The following BCAS1 variants were observed in gnomAD, a reference collection of about 807,000 sequenced individuals.
The protein encoded by BCAS1 is brain enriched myelin associated protein 1, also known as breast carcinoma-amplified sequence 1.
Under a neutral mutation model 65.4 loss-of-function variants are expected in BCAS1, and 46 were observed. The ratio of observed to expected loss-of-function variants is 0.70; its 90% CI spans 0.55 to 0.90. The LOEUF (loss-of-function observed/expected upper bound fraction) is 0.90. Among genes scored for constraint, BCAS1 ranks in the 40% least tolerant of loss-of-function variants. The pLI is 0.00. For synonymous variants in BCAS1, 298 were observed against 293.5 expected, an observed-to-expected ratio of 1.02 and a Z score of -0.16; for missense variants, 793 against 771.2, an observed-to-expected ratio of 1.03 and a Z score of -0.33.
At position 53,979,849 on chromosome 20, in the gene BCAS1, A is replaced by G. The variant is rs2090432761; in HGVS notation, c.1276-4419T>C. On this transcript the variant is annotated intron_variant, in intron 8 of 12. Transcript: ENST00000688948. ...TGCACATGGTATATTTTCAATTAGC[A>G]ACAGCAATTTTTATAAATGTTGGGA... Among the ~76,000 whole-genome samples the G allele has an allele frequency of 2.6e-5, 4 of 152,360 alleles. No homozygotes were observed. In the South Asian group the frequency reaches 8.3e-4, roughly 32 times the overall value.
chr20:54,004,210 C>A (rs868816531), intron 4 of BCAS1, among the ~76,000 whole-genome samples: 1 of 152,284 alleles, frequency 6.6e-6, no homozygotes, highest in South Asian at 2.1e-4. Flanking sequence ...CCCCAGCGAG[C>A]GTTCTAGTCC....
intron 4 of BCAS1, among the ~76,000 whole-genome samples, chr20:53,997,486 G>A (rs1329879145): frequency 1.3e-5 from 2 of 152,066 alleles, no homozygotes; most frequent in Non-Finnish European, 2.9e-5. Context: ...CCTTATTGAT[G>A]GACATTCACA....
intron 12 of BCAS1, among the ~76,000 whole-genome samples, chr20:53,951,778 C>T (rs1380265653): frequency 6.6e-6 from 1 of 152,244 alleles, no homozygotes; most frequent in Non-Finnish European, 1.5e-5. Context: ...TCTTGCTTTA[C>T]ATCAACATCT....
chr20:54,051,321 G>A (rs145534349), intron 3 of BCAS1, among the ~76,000 whole-genome samples: 3 of 152,284 alleles, frequency 2.0e-5, no homozygotes, highest in Middle Eastern at 3.4e-3. Context: ...ATCTCTGTAC[G>A]CAACAGGAGG....
At chr20:54,035,217 G>A (rs1303329168) in intron 3 of BCAS1, among the ~76,000 whole-genome samples, 1 of 150,616 alleles carries the variant, frequency 6.6e-6, no homozygotes, top group Non-Finnish European at 1.5e-5. Flanking sequence ...TCGAGAACAC[G>A]GTGAAACCCC....
chr20:53,953,120 G>C (rs2089580843), intron 12 of BCAS1, among the ~76,000 whole-genome samples: 1 of 152,132 alleles, frequency 6.6e-6, no homozygotes, highest in Non-Finnish European at 1.5e-5. Context: ...TTGCTCCCTA[G>C]GTCTCAGGCA....
At chr20:53,960,513 C>T (rs1390812138) in intron 10 of BCAS1, among the ~76,000 whole-genome samples, 4 of 135,106 alleles carry the variant, frequency 3.0e-5, no homozygotes, top group Non-Finnish European at 6.3e-5. Context: ...GAGAGTATCT[C>T]AAACTTTTCA....
At position 54,041,086 on chromosome 20, in the gene BCAS1, A is replaced by C. The variant is rs137900927; in HGVS notation, c.143-12114T>G. The stretch of plus-strand genomic sequence containing the variant: ...GAAAGACGCCAGACACAAAAAGCAA[A>C]ATATTGTATGATTCCATTTATATAA... On this transcript the variant is annotated intron_variant, in intron 3 of 12. Transcript: ENST00000688948. Among the ~76,000 whole-genome samples the C allele has an allele frequency of 6.5e-4, 98 of 151,548 alleles. 3 individuals are homozygous for C. Among genetic ancestry groups the C allele is most frequent in the African/African-American group, 2.3e-3 (95 of 41,480 alleles).
chr20:53,997,644 A>C (rs1175512049), intron 4 of BCAS1, among the ~76,000 whole-genome samples: 1 of 152,212 alleles, frequency 6.6e-6, no homozygotes, highest in East Asian at 1.9e-4. Flanking sequence ...CAAATTATAT[A>C]AACTTGATGA....
At chr20:53,976,238 A>G (rs916022852) in intron 8 of BCAS1, among the ~76,000 whole-genome samples, 1 of 152,246 alleles carries the variant, frequency 6.6e-6, no homozygotes, top group Middle Eastern at 3.4e-3. Flanking sequence ...AAACTTCTGG[A>G]TGGATGGTGG....
chr20:53,956,513 C>T (rs547023754), intron 11 of BCAS1, among the ~76,000 whole-genome samples: 2 of 152,310 alleles, frequency 1.3e-5, no homozygotes, highest in Non-Finnish European at 2.9e-5. Flanking sequence ...TGTATTGAGC[C>T]CTCTATACCA....
At chr20:54,057,002 G>A (rs550311695) in intron 3 of BCAS1, among the ~76,000 whole-genome samples, 1 of 152,146 alleles carries the variant, frequency 6.6e-6, no homozygotes, top group Non-Finnish European at 1.5e-5. Context: ...CAGCTAGTAC[G>A]TGGCAAAGCT....
intron 3 of BCAS1, among the ~76,000 whole-genome samples, chr20:54,044,847 A>AAAAAAC (rs1225797950): frequency 1.4e-5 from 2 of 141,520 alleles, no homozygotes; most frequent in Admixed American, 6.9e-5. Context: ...CAAAAAAAAA[A>AAAAAAC]AGAAAAAAAG....
At chr20:53,967,590 G>A (rs1298231106) in intron 9 of BCAS1, among the ~76,000 whole-genome samples, 1 of 152,220 alleles carries the variant, frequency 6.6e-6, no homozygotes. Context: ...TCCTCATTAA[G>A]CGATATCTAA....
intron 12 of BCAS1, among the ~76,000 whole-genome samples, chr20:53,946,816 T>C (rs901909068): frequency 2.0e-5 from 3 of 151,170 alleles, no homozygotes; most frequent in African/African-American, 7.3e-5. Flanking sequence ...GGAAGTATAA[T>C]GTACTATCAC....
chr20:53,945,382 C>G (rs558314544), intron 12 of BCAS1, among the ~76,000 whole-genome samples: 1 of 149,558 alleles, frequency 6.7e-6, no homozygotes, highest in Non-Finnish European at 1.5e-5. Context: ...CATCTAGGTT[C>G]ACCACCCTGT....
intron 1 of BCAS1, among the ~76,000 whole-genome samples, chr20:54,068,636 C>T (rs1044858613): frequency 2.0e-5 from 3 of 152,178 alleles, no homozygotes; most frequent in South Asian, 2.1e-4. Context: ...ATCTCACGAA[C>T]GTCACCTCCA....
At chr20:53,975,348 G>A in intron 9 of BCAS1, 41 bp downstream of exon 9, 1 of 1,583,048 alleles carries the variant, frequency 6.3e-7, no homozygotes, top group South Asian at 1.1e-5. Flanking sequence ...CATGGCGGAA[G>A]ATGAGAATGG....
intron 11 of BCAS1, 39 bp downstream of exon 11, chr20:53,957,393 C>T: frequency 2.6e-6 from 4 of 1,553,724 alleles, no homozygotes; most frequent in Non-Finnish European, 3.6e-6. Flanking sequence ...GAGAATACAC[C>T]ACTAATCCCA....
Sources: allele counts gnomAD v4.1 joint callset (sites outside exome capture counted in the v4.1 genomes callset), GRCh38; gene constraint gnomAD v4.1.1; transcripts MANE v1.5; gene names NCBI Gene and HGNC (gene_info 2026-07-23, HGNC 2026-07-21).